The following DPP10 variants were observed in gnomAD, a reference collection of about 807,000 sequenced individuals.
DPP10 encodes the protein inactive dipeptidyl peptidase 10.
In DPP10, 33 loss-of-function variants were observed where a neutral mutation model predicts 120.9. The observed-to-expected ratio is 0.27, with a 90% CI of 0.21 to 0.37. The LOEUF (loss-of-function observed/expected upper bound fraction) is 0.37, where lower values mean the gene tolerates loss of function less well. Among genes scored for constraint, DPP10 ranks in the 10% least tolerant of loss-of-function variants. The probability of loss-of-function intolerance (pLI) is 1.00; values close to 1 mark genes in which losing one functional copy is unlikely to be tolerated. For missense variants in DPP10, 816 were observed against 942.8 expected (o/e 0.87, Z 1.76); for synonymous variants, 337 against 326.1 (o/e 1.03, Z -0.36).
rs1575026654 is a variant in DPP10, at chr2:115,499,420, T to C, written c.272-90T>C. 6 of 966,560 alleles carry C rather than the reference T, an allele frequency of 6.2e-6. No homozygotes were observed. The East Asian group carries it at 1.5e-4, about 24-fold the overall frequency. 59.9% of individuals were successfully genotyped at this position (966,560 alleles called of 1,614,324 possible). A position where few individuals can be genotyped will look rare whatever the true frequency, so the allele number is the denominator to read the frequency against. ...AAGGCTAAAAATGATTATTCTAATG[T>C]GTCTGTTTATTTTGCACGTTTTCTC... On this transcript the variant is annotated intron_variant, in intron 3 of 25. Coordinates refer to ENST00000410059, the MANE Select transcript of DPP10 (RefSeq NM_020868.6).
At chr2:114,958,364 CA>C (rs767436328) in intron 1 of DPP10, among the ~76,000 whole-genome samples, 7 of 152,198 alleles carry the variant, frequency 4.6e-5, no homozygotes, top group Non-Finnish European at 1.0e-4. Context: ...CACAAGGACT[CA>C]AATATAGACG....
At chr2:115,777,927 T>G (rs1559142078) in intron 15 of DPP10, 93 bp downstream of exon 15, 4 of 1,345,026 alleles carry the variant, frequency 3.0e-6, no homozygotes, top group South Asian at 1.3e-5. Context: ...TGAAATGTCT[T>G]TTTCAACATG....
Position 114,693,786 on chromosome 2 carries a change from C to T in DPP10, c.60+250948C>T, listed in dbSNP as rs1699909996. On this transcript the variant is annotated intron_variant, in intron 1 of 25. Coordinates refer to ENST00000410059, the MANE Select transcript of DPP10 (RefSeq NM_020868.6). ...GAGGTTTCGTTTGCTCTTTTTTATT[C>T]TTTTATCTCTATTCTTTTCTGCCTG... Among the ~76,000 whole-genome samples the T allele has an allele frequency of 2.0e-5, 3 of 151,786 alleles. No homozygotes were observed. In the South Asian group the frequency reaches 6.2e-4, roughly 32 times the overall value.
chr2:114,484,080 T>G (rs944299880), intron 1 of DPP10, among the ~76,000 whole-genome samples: 4 of 152,112 alleles, frequency 2.6e-5, no homozygotes, highest in Admixed American at 2.0e-4. Flanking sequence ...AGGGTAATAG[T>G]GTTTGTGGAA....
Position 114,799,261 on chromosome 2 carries a change from G to T in DPP10, c.60+356423G>T, listed in dbSNP as rs937594741. Among the ~76,000 whole-genome samples, 5 of 152,296 alleles carry T rather than the reference G, an allele frequency of 3.3e-5. 1 individual carries two copies. In the Middle Eastern group the frequency reaches 0.017, roughly 518 times the overall value. On this transcript the variant is annotated intron_variant, in intron 1 of 25. Coordinates refer to ENST00000410059, the MANE Select transcript of DPP10 (RefSeq NM_020868.6). ...AGTTCAATTTGTGTCTCAACTGACTGCATCAAAACTAACCCCAACGTCTTT... is the reference window on the plus strand; with the variant it reads ...AGTTCAATTTGTGTCTCAACTGACTTCATCAAAACTAACCCCAACGTCTTT...
chr2:115,503,990 T>C (rs2076817047), intron 4 of DPP10, among the ~76,000 whole-genome samples: 1 of 152,112 alleles, frequency 6.6e-6, no homozygotes. Context: ...GGTAATTTTC[T>C]GAGGTGGGAT....
At chr2:115,319,748 T>A (rs769264567) in intron 2 of DPP10, among the ~76,000 whole-genome samples, 20 of 152,142 alleles carry the variant, frequency 1.3e-4, no homozygotes, top group Non-Finnish European at 2.1e-4. Context: ...CTGGAGAAAG[T>A]CCAAGATCAA....
At chr2:114,928,222 G>A (rs1049545965) in intron 1 of DPP10, among the ~76,000 whole-genome samples, 14 of 152,180 alleles carry the variant, frequency 9.2e-5, no homozygotes, top group East Asian at 1.9e-4. Flanking sequence ...AAAAGCTCAC[G>A]TTCCAAAGTC....
chr2:114,627,168 T>C (rs1165798925), intron 1 of DPP10, among the ~76,000 whole-genome samples: 1 of 152,080 alleles, frequency 6.6e-6, no homozygotes, highest in Admixed American at 6.6e-5. Flanking sequence ...TGCTCACCAG[T>C]TAGATAAAAT....
chr2:114,738,856 T>C (rs1057224512), intron 1 of DPP10, among the ~76,000 whole-genome samples: 4 of 152,182 alleles, frequency 2.6e-5, no homozygotes, highest in Non-Finnish European at 5.9e-5. Context: ...GCAATTCTAT[T>C]CTTTCTCCTC....
chr2:115,490,150 C>T (rs2076025342), intron 3 of DPP10, among the ~76,000 whole-genome samples: 1 of 152,078 alleles, frequency 6.6e-6, no homozygotes, highest in African/African-American at 2.4e-5. Context: ...AGCCTGTTCT[C>T]ATGGTGGTAT....
At chr2:115,487,036 A>G (rs2075819030) in intron 3 of DPP10, among the ~76,000 whole-genome samples, 1 of 152,160 alleles carries the variant, frequency 6.6e-6, no homozygotes, top group Non-Finnish European at 1.5e-5. Context: ...TATTTTGGAT[A>G]TCTAACTTTA....
At chr2:114,461,265 A>G (rs1349064222) in intron 1 of DPP10, among the ~76,000 whole-genome samples, 1 of 152,188 alleles carries the variant, frequency 6.6e-6, no homozygotes, top group Non-Finnish European at 1.5e-5. Flanking sequence ...GCGAGCCCCC[A>G]TTGGCACAGC....
intron 1 of DPP10, among the ~76,000 whole-genome samples, chr2:114,916,322 A>C (rs1694800335): frequency 6.6e-6 from 1 of 152,138 alleles, no homozygotes; most frequent in Admixed American, 6.5e-5. Flanking sequence ...TCCAAAATGG[A>C]ATCACTAATA....
chr2:114,949,714 C>A (rs1323889340), intron 1 of DPP10, among the ~76,000 whole-genome samples: 2 of 152,132 alleles, frequency 1.3e-5, no homozygotes, highest in Non-Finnish European at 2.9e-5. Flanking sequence ...GTTGTTGCTT[C>A]TGTTTGGTCT....
intron 1 of DPP10, among the ~76,000 whole-genome samples, chr2:114,593,805 C>G (rs1691658266): frequency 6.6e-6 from 1 of 152,002 alleles, no homozygotes; most frequent in Admixed American, 6.6e-5. Context: ...TGCATTTGGT[C>G]TCCTCTCCAA....
chr2:115,096,594 A>G (rs367991771), intron 1 of DPP10, among the ~76,000 whole-genome samples: 5 of 152,128 alleles, frequency 3.3e-5, no homozygotes, highest in Non-Finnish European at 7.4e-5. Flanking sequence ...TCAATTTTAC[A>G]ATAGGGTTTT....
chr2:114,909,916 C>T (rs924346929), intron 1 of DPP10, among the ~76,000 whole-genome samples: 4 of 151,910 alleles, frequency 2.6e-5, no homozygotes, highest in East Asian at 1.9e-4. Context: ...AGTCAGCAGA[C>T]GTAATGAACT....
chr2:115,762,504 A>G, intron 11 of DPP10, 68 bp from the exon 12 acceptor site: 1 of 1,585,918 alleles, frequency 6.3e-7, no homozygotes, highest in Non-Finnish European at 8.6e-7. Flanking sequence ...CGTGTTTTAA[A>G]AAAGTTAAAT....
Sources: allele counts gnomAD v4.1 joint callset (sites outside exome capture counted in the v4.1 genomes callset), GRCh38; gene constraint gnomAD v4.1.1; transcripts MANE v1.5; gene names NCBI Gene and HGNC (gene_info 2026-07-23, HGNC 2026-07-21).